The following ISM2 variants were observed in gnomAD, a reference collection of about 807,000 sequenced individuals.
ISM2 encodes isthmin 2.
In ISM2, 50 loss-of-function variants were observed where a neutral mutation model predicts 58.0. The observed-to-expected ratio is 0.86, with a 90% CI of 0.69 to 1.09. The LOEUF (loss-of-function observed/expected upper bound fraction) is 1.09. Among genes scored for constraint, ISM2 ranks in the 50% least tolerant of loss-of-function variants. The pLI, the probability that ISM2 is intolerant of heterozygous loss-of-function variation, is 0.00. For missense variants in ISM2, 723 were observed against 745.0 expected (o/e 0.97, Z 0.34); for synonymous variants, 303 against 312.4 (o/e 0.97, Z 0.32).
intron 4 of ISM2, among the ~76,000 whole-genome samples, chr14:77,480,302 CAA>C (rs34339320): frequency 0.31 from 38,033 of 123,238 alleles, 5,302 homozygotes; most frequent in Middle Eastern, 0.49. Context: ...GACACTGTCT[CAA>C]AAAAAAAAAA....
At chr14:77,484,300 G>A (rs377048771) in intron 3 of ISM2, 23 bp downstream of exon 3, 2 of 1,605,132 alleles carry the variant, frequency 1.2e-6, no homozygotes, top group African/African-American at 1.3e-5. Flanking sequence ...CTGCAGGGCT[G>A]CTGGCCCTTC....
At chr14:77,491,361 C>G (rs996687904) in intron 1 of ISM2, among the ~76,000 whole-genome samples, 12 of 152,352 alleles carry the variant, frequency 7.9e-5, no homozygotes, top group African/African-American at 2.6e-4. Flanking sequence ...ACTGGAAGAA[C>G]AGTCCTCTCT....
intron 1 of ISM2, among the ~76,000 whole-genome samples, chr14:77,486,028 T>C (rs1192622948): frequency 1.3e-5 from 2 of 152,348 alleles, no homozygotes; most frequent in South Asian, 2.1e-4. Flanking sequence ...AAACACTTCA[T>C]CACTCATTTC....
At chr14:77,483,620 T>TTGCGTG (rs568297724) in intron 3 of ISM2, among the ~76,000 whole-genome samples, 3 of 151,942 alleles carry the variant, frequency 2.0e-5, no homozygotes, top group Admixed American at 6.5e-5. Flanking sequence ...TTCCAGTTTT[T>TTGCGTG]TGCGTGTGCG....
At chr14:77,497,789 A>C in intron 1 of ISM2, among the ~76,000 whole-genome samples, 1 of 128,482 alleles carries the variant, frequency 7.8e-6, no homozygotes, top group Admixed American at 7.3e-5. Context: ...GAAGGAAGGA[A>C]GGAAGGAAGG....
chr14:77,475,613 C>T lies in ISM2; in HGVS notation c.1698G>A (p.Gln566=). 6.3e-7 allele frequency: 1 copy of T among 1,585,886 alleles called. No individual in the cohort carries two copies. The highest frequency in any genetic ancestry group is 8.6e-7 in the Non-Finnish European group (1 of 1,163,710). The change falls in exon 7 of 7, where the codon CAG becomes CAA. Residue 566 remains glutamine, a synonymous_variant. Transcript: ENST00000342219. The surrounding 1 kb of genome is among the most constrained non-coding windows in gnomAD (Gnocchi z 4.1). The part of the protein sequence containing the change: ...PLEEEYLAQL[Q]EAKEY Reference sequence around the variant, plus strand: ...CCCGTCACTAGTACTCCTTGGCCTCCTGCAACTGTGCTAGGTACTCCTCCT... The same window carrying T: ...CCCGTCACTAGTACTCCTTGGCCTCTTGCAACTGTGCTAGGTACTCCTCCT...
chr14:77,479,072 T>A (rs1021287619), intron 4 of ISM2, among the ~76,000 whole-genome samples: 10 of 152,184 alleles, frequency 6.6e-5, no homozygotes, highest in African/African-American at 2.2e-4. Flanking sequence ...ATAGGTTTTT[T>A]AATTTCTTTT....
chr14:77,479,832 A>C (rs1388702630), intron 4 of ISM2, among the ~76,000 whole-genome samples: 5 of 151,058 alleles, frequency 3.3e-5, no homozygotes, highest in African/African-American at 1.2e-4. Context: ...GCTAATTTTT[A>C]AATTTTTTGT....
At chr14:77,498,348 A>G in intron 1 of ISM2, 1 of 1,406,426 alleles carries the variant, frequency 7.1e-7, no homozygotes, top group Non-Finnish European at 9.4e-7. Flanking sequence ...AGGTCCGCTC[A>G]GGGCGAGGAA....
At chr14:77,498,476 C>T in intron 1 of ISM2, 177 bp downstream of exon 1, 3 of 1,192,716 alleles carry the variant, frequency 2.5e-6, no homozygotes, top group African/African-American at 1.6e-5. Flanking sequence ...CCCCGAAGTC[C>T]GGCGCACCTG....
intron 1 of ISM2, among the ~76,000 whole-genome samples, chr14:77,486,889 G>A (rs2079171285): frequency 6.6e-6 from 1 of 151,346 alleles, no homozygotes; most frequent in Non-Finnish European, 1.5e-5. Context: ...AGCCTGCAGT[G>A]CACAAGGCCA....
At chr14:77,479,453 G>A (rs957724171) in intron 4 of ISM2, among the ~76,000 whole-genome samples, 17 of 150,054 alleles carry the variant, frequency 1.1e-4, no homozygotes, top group African/African-American at 4.2e-4. Context: ...GCGTGATCTC[G>A]GCTCACTGCA....
chr14:77,477,120 C>T (rs183776492), intron 6 of ISM2, among the ~76,000 whole-genome samples: 70 of 152,276 alleles, frequency 4.6e-4, no homozygotes, highest in Non-Finnish European at 7.6e-4. Flanking sequence ...CCCAGACTCA[C>T]CAGAGCCCTG....
Position 77,475,780 on chromosome 14 carries a change from T to C in ISM2, c.1531A>G (p.Asn511Asp). The change falls in exon 7 of 7, where the codon AAC becomes GAC. Residue 511 changes from asparagine (N) to aspartate (D), a missense_variant. Transcript: ENST00000342219. This position sits in a 1 kb window ranked among gnomAD's most constrained non-coding sequence, Gnocchi z 4.1. ...GGTGAGAAGTCGGTGCTGATGAGGT[T>C]GGGCATGCCGGCGCCCTTGCCACGG... is the stretch of plus-strand genomic sequence containing the variant. ...LTRGKGAGMP[N>D]LISTDFSPKL... 1 of 1,613,768 alleles carries C rather than the reference T, an allele frequency of 6.2e-7. No homozygotes were observed. Among genetic ancestry groups the C allele is most frequent in the Non-Finnish European group, 8.5e-7 (1 of 1,179,952 alleles).
chr14:77,493,553 C>G (rs961491551), intron 1 of ISM2, among the ~76,000 whole-genome samples: 1 of 152,134 alleles, frequency 6.6e-6, no homozygotes, highest in African/African-American at 2.4e-5. Flanking sequence ...CCTCTGCCTC[C>G]TTAGTTCAAG....
At chr14:77,479,102 T>C (rs968350005) in intron 4 of ISM2, among the ~76,000 whole-genome samples, 17 of 152,216 alleles carry the variant, frequency 1.1e-4, no homozygotes, top group Admixed American at 3.3e-4. Context: ...GGTCTTACCC[T>C]GTTGCCCAGG....
At chr14:77,496,226 C>T (rs1414692062) in intron 1 of ISM2, among the ~76,000 whole-genome samples, 1 of 150,618 alleles carries the variant, frequency 6.6e-6, no homozygotes, top group African/African-American at 2.5e-5. Context: ...TGGTGGCTCA[C>T]GCCTGTAATC....
chr14:77,497,737 A>AGTAGGGAAGGAG (rs1362695727), intron 1 of ISM2, among the ~76,000 whole-genome samples: 10 of 46,346 alleles, frequency 2.2e-4, no homozygotes, highest in East Asian at 2.1e-3. Context: ...GTAGGAAGGA[A>AGTAGGGAAGGAG]GGAGGGAGGG....
chr14:77,482,394 C>T lies in ISM2; in HGVS notation c.901G>A (p.Gly301Arg). 1 of 1,614,208 alleles carries T rather than the reference C, an allele frequency of 6.2e-7. No homozygotes were observed. Residue 301 changes from glycine to arginine, a missense_variant, in exon 4 of 7, where the codon GGA becomes AGA. Gly to Arg is a moderately radical substitution (Grantham distance 125). Coordinates refer to ENST00000342219, the MANE Select transcript of ISM2 (RefSeq NM_199296.3). ...CCCTGGTCCCAGTTGTCTGTAGTTC[C>T]ATTGAACCAGAGCGCCTGCTCTTCC... ...DEEEQALWFN[G>R]TTDNWDQGWL...
Sources: gnomAD v4.1 joint callset for allele counts (sites outside exome capture counted in the v4.1 genomes callset) on GRCh38, gnomAD v4.1.1 for gene constraint, Gnocchi (gnomAD v3.1) non-coding constraint, MANE v1.5 for transcripts, NCBI Gene and HGNC (gene_info 2026-07-23, HGNC 2026-07-21) for gene names.